Variants in TMCO1 observed in about 807,000 individuals in gnomAD.
The protein encoded by TMCO1 is calcium load-activated calcium channel.
In TMCO1, 29 loss-of-function variants were observed where a neutral mutation model predicts 29.3. That is an observed-to-expected ratio of 0.99 (90% CI 0.74 to 1.35). TMCO1 has a LOEUF of 1.35. TMCO1 is among the 40% of genes most tolerant of loss of function. The pLI is 0.00. For synonymous variants in TMCO1, 80 were observed against 77.1 expected (o/e 1.04, Z -0.20); for missense variants, 173 against 225.5 (o/e 0.77, Z 1.49).
intron 3 of TMCO1, among the ~76,000 whole-genome samples, chr1:165,757,619 T>G (rs1038280497): frequency 1.3e-5 from 2 of 152,216 alleles, no homozygotes; most frequent in African/African-American, 4.8e-5. Flanking sequence ...TGCCTCAGCC[T>G]CCCAAGTAGC....
At chr1:165,761,068 T>C (rs144554607) in intron 2 of TMCO1, among the ~76,000 whole-genome samples, 212 of 152,276 alleles carry the variant, frequency 1.4e-3, no homozygotes, top group Admixed American at 2.9e-3. Flanking sequence ...AAAAGCAAAA[T>C]TGGTATCACT....
intron 3 of TMCO1, among the ~76,000 whole-genome samples, chr1:165,759,096 T>C (rs1652304279): frequency 1.3e-5 from 2 of 152,202 alleles, no homozygotes; most frequent in South Asian, 4.1e-4. Context: ...TCTCCAAGTA[T>C]ATCAAAATTA....
At chr1:165,744,790 C>CAAAAA (rs558392976) in intron 5 of TMCO1, among the ~76,000 whole-genome samples, 1 of 104,010 alleles carries the variant, frequency 9.6e-6, no homozygotes, top group Non-Finnish European at 1.9e-5. Flanking sequence ...AACTCCATCT[C>CAAAAA]AAAAAAAAAA....
chr1:165,767,014 C>G (rs1169567941), intron 2 of TMCO1, among the ~76,000 whole-genome samples: 1 of 152,036 alleles, frequency 6.6e-6, no homozygotes, highest in African/African-American at 2.4e-5. Context: ...AATTAAGGAA[C>G]AGTAAGCTGT....
chr1:165,731,768 C>T (rs144240037), intron 6 of TMCO1, among the ~76,000 whole-genome samples: 10 of 152,318 alleles, frequency 6.6e-5, no homozygotes, highest in African/African-American at 2.4e-4. Flanking sequence ...AAAAATGAGA[C>T]ACTTCAGTAG....
intron 2 of TMCO1, among the ~76,000 whole-genome samples, chr1:165,764,839 C>A (rs935546640): frequency 6.6e-6 from 1 of 152,050 alleles, no homozygotes; most frequent in South Asian, 2.1e-4. Context: ...TTATAGGGGG[C>A]AAATTTGAGT....
chr1:165,744,820 T>G (rs1483007354), intron 5 of TMCO1, among the ~76,000 whole-genome samples: 2 of 151,366 alleles, frequency 1.3e-5, no homozygotes, highest in African/African-American at 4.9e-5. Context: ...AAATTTCAAT[T>G]CTAAAATCCT....
At chr1:165,746,183 C>G (rs929636566) in intron 5 of TMCO1, among the ~76,000 whole-genome samples, 1 of 151,696 alleles carries the variant, frequency 6.6e-6, no homozygotes, top group Non-Finnish European at 1.5e-5. Context: ...GTGGTGCATG[C>G]CTGTAGTCCC....
At chr1:165,761,036 A>G (rs1241629919) in intron 2 of TMCO1, among the ~76,000 whole-genome samples, 1 of 152,196 alleles carries the variant, frequency 6.6e-6, no homozygotes, top group East Asian at 1.9e-4. Flanking sequence ...CCCTTAGTAC[A>G]TGAAGTTTGT....
intron 2 of TMCO1, among the ~76,000 whole-genome samples, chr1:165,762,588 T>C (rs575386283): frequency 1.3e-5 from 2 of 152,256 alleles, no homozygotes; most frequent in East Asian, 3.9e-4. Context: ...GATGAAACCT[T>C]GGTGTGTGGA....
intron 5 of TMCO1, among the ~76,000 whole-genome samples, chr1:165,750,057 G>T (rs1440814826): frequency 6.6e-6 from 1 of 151,972 alleles, no homozygotes; most frequent in African/African-American, 2.4e-5. Flanking sequence ...TAAGTATAAG[G>T]AGAAAGATCC....
chr1:165,752,348 C>T (rs529214866), intron 4 of TMCO1, among the ~76,000 whole-genome samples, 179 bp from the exon 5 acceptor site: 4 of 150,872 alleles, frequency 2.7e-5, no homozygotes, highest in African/African-American at 9.7e-5. Context: ...TCCGTCCCCC[C>T]GGGTTCACGC....
downstream of TMCO1, chr1:165,726,352 A>G: frequency 1.5e-6 from 1 of 677,988 alleles, no homozygotes; most frequent in East Asian, 2.8e-5. Flanking sequence ...CTTTGTAATA[A>G]GGAGAACAAA....
downstream of TMCO1, chr1:165,725,658 T>A (rs1558024933): frequency 4.4e-6 from 2 of 453,960 alleles, no homozygotes; most frequent in African/African-American, 2.0e-5. Flanking sequence ...TCTCCAATGA[T>A]CTGGTGATGC....
chr1:165,746,627 T>C (rs748520033), intron 5 of TMCO1, among the ~76,000 whole-genome samples: 1 of 152,196 alleles, frequency 6.6e-6, no homozygotes, highest in African/African-American at 2.4e-5. Flanking sequence ...ACATATCACA[T>C]ATGCTTGCAT....
chr1:165,768,267 T>C lies in TMCO1; in HGVS notation c.73A>G (p.Ile25Val), dbSNP rs1652648760. ...GTCCTGTAAACCAGGACCCAGGTTA[T>C]GCCTAAAACATTAAAAGCAACATGT... ...SVCTALLAEGITWVLVYRTDK... is the reference protein window; with the variant it reads ...SVCTALLAEGVTWVLVYRTDK... Residue 25 changes from isoleucine to valine, a missense_variant and splice_region_variant, in exon 2 of 7, where the codon ATA becomes GTA. Ile to Val is a conservative substitution (Grantham distance 29). Transcript: ENST00000367881. 1 of 1,613,654 alleles carries C rather than the reference T, an allele frequency of 6.2e-7. No individual in the cohort carries two copies. Among genetic ancestry groups the C allele is most frequent in the Non-Finnish European group, 8.5e-7 (1 of 1,179,644 alleles).
In TMCO1 at chr1:165,759,525, C is replaced by T. The variant is rs1364557967; in HGVS notation, c.208G>A (p.Glu70Lys). 2.5e-6 allele frequency: 4 copies of T among 1,609,906 alleles called. No individual in the cohort carries two copies. The highest frequency in any genetic ancestry group is 3.4e-6 in the Non-Finnish European group (4 of 1,177,452). ...SAGRQQKKKI[E>K]RQEEKLKNNN... ...CATTTTGACTAATATCTCATCTTAC[C>T]TATTTTCTTTTTCTGTTGTCGACCA... Residue 70 changes from glutamate to lysine, a missense_variant and splice_region_variant, in exon 3 of 7, where the codon GAG becomes AAG. Coordinates refer to ENST00000367881, the MANE Select transcript of TMCO1 (RefSeq NM_019026.6).
intron 3 of TMCO1, chr1:165,754,740 T>C (rs73014620): frequency 0.012 from 2,031 of 164,186 alleles, 55 homozygotes; most frequent in African/African-American, 0.047. Context: ...AGCTGGGCAA[T>C]CCCAGCTCTT....
At chr1:165,744,231 A>G (rs1651707267) in intron 5 of TMCO1, among the ~76,000 whole-genome samples, 1 of 152,172 alleles carries the variant, frequency 6.6e-6, no homozygotes, top group Non-Finnish European at 1.5e-5. Flanking sequence ...ATGATTTACA[A>G]TAGGTGGATT....
Sources: gnomAD v4.1 joint callset for allele counts (sites outside exome capture counted in the v4.1 genomes callset) on GRCh38, gnomAD v4.1.1 for gene constraint, MANE v1.5 for transcripts, NCBI Gene and HGNC (gene_info 2026-07-23, HGNC 2026-07-21) for gene names.